DLGAP2: variants seen among roughly 807,000 people sequenced by gnomAD.
The protein encoded by DLGAP2 is DLG associated protein 2, also known as disks large-associated protein 2.
DLGAP2 carries 26 observed loss-of-function variants against 100.3 expected under a neutral mutation model. The observed-to-expected ratio is 0.26, with a 90% CI of 0.19 to 0.36. DLGAP2 has a LOEUF of 0.36. DLGAP2 is among the 10% of genes least tolerant of loss of function. The pLI is 1.00. For synonymous variants in DLGAP2, 886 were observed against 630.1 expected (o/e 1.41, Z -6.08); for missense variants, 1,858 against 1,453.2 (o/e 1.28, Z -4.53).
intron 2 of DLGAP2, among the ~76,000 whole-genome samples, chr8:1,066,243 C>A (rs192915056): frequency 6.7e-6 from 1 of 149,970 alleles, no homozygotes; most frequent in African/African-American, 2.5e-5. Context: ...GAGGGCAGCT[C>A]CCCACCACGG....
intron 6 of DLGAP2, among the ~76,000 whole-genome samples, chr8:1,579,582 A>G (rs1803142810): frequency 6.6e-6 from 1 of 152,192 alleles, no homozygotes; most frequent in Non-Finnish European, 1.5e-5. Flanking sequence ...AGATTGCCTT[A>G]CAAATCAATA....
At chr8:1,515,020 G>T (rs1019346004) in intron 4 of DLGAP2, among the ~76,000 whole-genome samples, 21 of 151,770 alleles carry the variant, frequency 1.4e-4, no homozygotes, top group African/African-American at 5.1e-4. Context: ...CATGGAGGGA[G>T]ACCGACGTGC....
chr8:856,775 C>A lies in DLGAP2; in HGVS notation c.19-51137C>A, dbSNP rs903496490. Among the ~76,000 whole-genome samples the A allele has an allele frequency of 3.3e-5, 5 of 152,160 alleles. No individual in the cohort carries two copies. In the East Asian group the frequency reaches 9.6e-4, roughly 29 times the overall value. On this transcript the variant is annotated intron_variant, in intron 1 of 14. Transcript: ENST00000637795. ...CCCCATATCCCTGGACAGGAAAATC[C>A]GTGCTGTTGAGATATCCATTTTTCT... is the stretch of plus-strand genomic sequence containing the variant.
At chr8:1,301,925 A>T (rs779794613) in intron 3 of DLGAP2, 1 of 152,348 alleles carries the variant, frequency 6.6e-6, no homozygotes, top group Non-Finnish European at 1.5e-5. Flanking sequence ...GGGAGGGGGG[A>T]GGAAGGACAG....
At chr8:1,090,194 C>A (rs1469154552) in intron 2 of DLGAP2, among the ~76,000 whole-genome samples, 2 of 142,506 alleles carry the variant, frequency 1.4e-5, no homozygotes, top group Admixed American at 1.4e-4. Context: ...CGAGGACCTG[C>A]TGCCTGTCTG....
intron 14 of DLGAP2, among the ~76,000 whole-genome samples, 166 bp downstream of exon 14, chr8:1,697,465 T>C (rs189384534): frequency 2.0e-4 from 31 of 152,288 alleles, no homozygotes; most frequent in East Asian, 1.9e-4. Context: ...CACATGTGTG[T>C]GCGTGTGTGT....
intron 1 of DLGAP2, among the ~76,000 whole-genome samples, chr8:896,897 G>C (rs187037771): frequency 9.9e-4 from 151 of 152,300 alleles, no homozygotes; most frequent in African/African-American, 3.4e-3. Flanking sequence ...GTGTTTTGAA[G>C]AGTCTTCATG....
chr8:1,354,322 A>G (rs1480031671), intron 3 of DLGAP2, among the ~76,000 whole-genome samples: 1 of 152,184 alleles, frequency 6.6e-6, no homozygotes. Context: ...CCTGGGCAAC[A>G]TGGCAAAACC....
intron 3 of DLGAP2, among the ~76,000 whole-genome samples, chr8:1,443,689 A>G (rs565077366): frequency 1.3e-5 from 2 of 152,270 alleles, no homozygotes; most frequent in East Asian, 3.9e-4. Flanking sequence ...GTGCAGGGGA[A>G]CTGCCCTTTA....
intron 2 of DLGAP2, among the ~76,000 whole-genome samples, chr8:1,053,208 C>G (rs1465655802): frequency 6.6e-6 from 1 of 152,196 alleles, no homozygotes; most frequent in East Asian, 1.9e-4. Flanking sequence ...TCGCATCCAT[C>G]AGATTCGGAA....
At chr8:984,131 AAAGT>A (rs1563128196) in intron 2 of DLGAP2, among the ~76,000 whole-genome samples, 2 of 152,312 alleles carry the variant, frequency 1.3e-5, no homozygotes, top group East Asian at 3.9e-4. Flanking sequence ...GGGATTCCCA[AAAGT>A]AAGTATTTTA....
chr8:1,214,718 C>G (rs1798177608), intron 2 of DLGAP2, among the ~76,000 whole-genome samples: 1 of 152,252 alleles, frequency 6.6e-6, no homozygotes, highest in Non-Finnish European at 1.5e-5. Context: ...GTTCTTCGCA[C>G]AGACACAGCA....
rs77570653 is a variant in DLGAP2 at position 1,408,400 on chromosome 8, G to C, written c.107-92966G>C. ...AGTTCCAGGCCCCAGCTCCAAGTTCGCCACAACCTGTTAGTTCACCTGGGG... is the reference window on the plus strand; with the variant it reads ...AGTTCCAGGCCCCAGCTCCAAGTTCCCCACAACCTGTTAGTTCACCTGGGG... On this transcript the variant is annotated intron_variant, in intron 3 of 14. Coordinates refer to ENST00000637795, the MANE Select transcript of DLGAP2 (RefSeq NM_001346810.2). Among the ~76,000 whole-genome samples, 529 of 151,934 alleles carry C rather than the reference G, an allele frequency of 3.5e-3. 10 individuals carry two copies. In the East Asian group the frequency reaches 0.048, roughly 14 times the overall value.
chr8:965,445 A>T (rs373094658), intron 2 of DLGAP2, among the ~76,000 whole-genome samples: 12 of 68,584 alleles, frequency 1.7e-4, no homozygotes, highest in South Asian at 1.1e-3. Flanking sequence ...GCTGTTCACC[A>T]CACAGGGCTC....
chr8:1,305,469 G>A (rs972517921), intron 3 of DLGAP2, among the ~76,000 whole-genome samples: 2 of 152,198 alleles, frequency 1.3e-5, no homozygotes, highest in East Asian at 3.8e-4. Context: ...CTGGGTGTCT[G>A]TAAGGTCTTT....
intron 3 of DLGAP2, among the ~76,000 whole-genome samples, chr8:1,273,735 A>G (rs1180436442): frequency 6.6e-6 from 1 of 152,224 alleles, no homozygotes; most frequent in East Asian, 1.9e-4. Context: ...CTTCTAATGA[A>G]TCAGGATATC....
Position 1,270,239 on chromosome 8 carries a change from G to A in DLGAP2, c.106+11356G>A, listed in dbSNP as rs190582954. On this transcript the variant is annotated intron_variant, in intron 3 of 14. Coordinates refer to ENST00000637795, the MANE Select transcript of DLGAP2 (RefSeq NM_001346810.2). Reference sequence around the variant, plus strand: ...ATTGAGAATATGAGAGCTGTGAACCGTATACACAGAAGGGACTTGGATCAA... The same window carrying A: ...ATTGAGAATATGAGAGCTGTGAACCATATACACAGAAGGGACTTGGATCAA... Among the ~76,000 whole-genome samples, 34 of 152,250 alleles carry A rather than the reference G, an allele frequency of 2.2e-4. No homozygotes were observed. In the South Asian group the frequency reaches 6.2e-3, roughly 28 times the overall value.
chr8:923,940 A>G (rs1017995355), intron 2 of DLGAP2, among the ~76,000 whole-genome samples: 2 of 152,244 alleles, frequency 1.3e-5, no homozygotes, highest in African/African-American at 4.8e-5. Context: ...AACAGAAATT[A>G]TCTTCTGAAG....
intron 2 of DLGAP2, among the ~76,000 whole-genome samples, chr8:916,526 A>G (rs918033133): frequency 1.3e-5 from 2 of 152,170 alleles, no homozygotes; most frequent in Non-Finnish European, 2.9e-5. Flanking sequence ...GGGCCTGTTG[A>G]GGGATAGCAT....
Sources: gnomAD v4.1 joint callset for allele counts (sites outside exome capture counted in the v4.1 genomes callset) on GRCh38, gnomAD v4.1.1 for gene constraint, MANE v1.5 for transcripts, NCBI Gene and HGNC (gene_info 2026-07-23, HGNC 2026-07-21) for gene names.